SLC14A2: variants seen among roughly 807,000 people sequenced by gnomAD.
SLC14A2 encodes the protein solute carrier family 14 member 2.
A neutral mutation model predicts 104.6 loss-of-function variants in SLC14A2; 91 were observed. That is an observed-to-expected ratio of 0.87 (90% CI 0.73 to 1.04). The LOEUF is 1.04. Ranked by LOEUF, SLC14A2 falls within the 50% of genes least tolerant of loss-of-function variation. The pLI, the probability that SLC14A2 is intolerant of heterozygous loss-of-function variation, is 0.00. For missense variants in SLC14A2, 1,189 were observed against 1,156.0 expected, an observed-to-expected ratio of 1.03 and a Z score of -0.41; for synonymous variants, 476 against 466.4, an observed-to-expected ratio of 1.02 and a Z score of -0.27.
the SLC14A2 span, among the ~76,000 whole-genome samples, chr18:45,191,757 C>T: frequency 6.6e-6 from 1 of 151,978 alleles, no homozygotes; most frequent in Non-Finnish European, 1.5e-5. Context: ...AAGCAGACAC[C>T]CCTGGGTGTC....
At chr18:45,179,517 A>G in the SLC14A2 span, among the ~76,000 whole-genome samples, 473 of 152,348 alleles carry the variant, frequency 3.1e-3, 3 homozygotes, top group African/African-American at 0.011. Flanking sequence ...TATTCTGTGA[A>G]TAATGCTTTT....
intron 1 of SLC14A2, among the ~76,000 whole-genome samples, chr18:45,286,315 G>A (rs2084814222): frequency 6.6e-6 from 1 of 152,198 alleles, no homozygotes; most frequent in Non-Finnish European, 1.5e-5. Context: ...ATTCAGCAAT[G>A]TGTCAAATGT....
chr18:45,533,499 G>T (rs966056519), intron 2 of SLC14A2, among the ~76,000 whole-genome samples: 17 of 152,190 alleles, frequency 1.1e-4, no homozygotes, highest in Admixed American at 3.3e-4. Context: ...GGTGTTTATA[G>T]TATTCTCTGA....
intron 2 of SLC14A2, among the ~76,000 whole-genome samples, chr18:45,500,639 T>C (rs72912673): frequency 0.036 from 5,435 of 151,178 alleles, 137 homozygotes; most frequent in Middle Eastern, 0.073. Flanking sequence ...GTTAGTAATC[T>C]CTAGCAGGTT....
At chr18:45,624,526 C>A in intron 1 of SLC14A2, 105 bp from the exon 2 acceptor site, 1 of 696,280 alleles carries the variant, frequency 1.4e-6, no homozygotes, top group South Asian at 2.3e-5. Context: ...CCACGTGTGT[C>A]ACTGTCCAAC....
chr18:45,396,792 G>A (rs945086351), intron 1 of SLC14A2, among the ~76,000 whole-genome samples: 1 of 151,716 alleles, frequency 6.6e-6, no homozygotes. Flanking sequence ...GTACCCAATA[G>A]TTCCCTTTTC....
intron 1 of SLC14A2, among the ~76,000 whole-genome samples, chr18:45,388,161 C>T (rs865870996): frequency 3.4e-5 from 5 of 145,590 alleles, no homozygotes; most frequent in East Asian, 2.1e-4. Context: ...CTGCAAGCTC[C>T]GCCTCCTGGG....
At chr18:45,475,056 C>T (rs1234119719) in intron 1 of SLC14A2, among the ~76,000 whole-genome samples, 4 of 152,092 alleles carry the variant, frequency 2.6e-5, no homozygotes, top group African/African-American at 9.7e-5. Context: ...TAGCTGTGTC[C>T]CAGAGATCCT....
At chr18:45,338,034 C>T (rs1463004918) in intron 1 of SLC14A2, among the ~76,000 whole-genome samples, 1 of 152,128 alleles carries the variant, frequency 6.6e-6, no homozygotes, top group Non-Finnish European at 1.5e-5. Flanking sequence ...CTCTCCACAA[C>T]CCCCTTATAT....
intron 2 of SLC14A2, among the ~76,000 whole-genome samples, chr18:45,594,248 G>A (rs953690864): frequency 9.9e-5 from 15 of 152,194 alleles, no homozygotes; most frequent in Non-Finnish European, 1.9e-4. Flanking sequence ...CCACAAGCAC[G>A]CAGTACCAGG....
intron 1 of SLC14A2, among the ~76,000 whole-genome samples, chr18:45,347,016 C>T (rs1038045006): frequency 5.3e-5 from 8 of 150,812 alleles, no homozygotes; most frequent in African/African-American, 2.0e-4. Flanking sequence ...AATAAACAAA[C>T]AAACAAATCA....
intron 1 of SLC14A2, among the ~76,000 whole-genome samples, chr18:45,397,034 T>C (rs1211883074): frequency 6.6e-6 from 1 of 152,244 alleles, no homozygotes; most frequent in African/African-American, 2.4e-5. Flanking sequence ...CCTTGGTGTT[T>C]ATGTACCACA....
intron 1 of SLC14A2, among the ~76,000 whole-genome samples, chr18:45,262,996 T>G (rs2084555130): frequency 6.6e-6 from 1 of 152,230 alleles, no homozygotes. Context: ...ATATCAAAAC[T>G]GAGAGATTAA....
At chr18:45,626,763 C>T (rs1305547639) in intron 3 of SLC14A2, among the ~76,000 whole-genome samples, 195 bp from the exon 4 acceptor site, 1 of 152,226 alleles carries the variant, frequency 6.6e-6, no homozygotes, top group Non-Finnish European at 1.5e-5. Context: ...AGAATGATTG[C>T]TGGGCTACTG....
chr18:45,343,292 G>C (rs2085415406), intron 1 of SLC14A2, among the ~76,000 whole-genome samples: 1 of 152,092 alleles, frequency 6.6e-6, no homozygotes, highest in African/African-American at 2.4e-5. Context: ...CAGAGGAGAT[G>C]TGTTATTTTA....
intron 1 of SLC14A2, among the ~76,000 whole-genome samples, chr18:45,398,388 AG>A (rs1433155896): frequency 6.6e-6 from 1 of 152,208 alleles, no homozygotes; most frequent in Non-Finnish European, 1.5e-5. Context: ...GAGTCAGACA[AG>A]GTTATTATCA....
intron 2 of SLC14A2, among the ~76,000 whole-genome samples, chr18:45,599,675 C>T (rs1009235168): frequency 2.6e-5 from 4 of 152,216 alleles, no homozygotes; most frequent in Non-Finnish European, 5.9e-5. Flanking sequence ...GCAACAGGCA[C>T]TGTTCCGAGC....
chr18:45,587,051 G>A (rs186352635), intron 2 of SLC14A2, among the ~76,000 whole-genome samples: 10 of 152,084 alleles, frequency 6.6e-5, no homozygotes, highest in Admixed American at 3.9e-4. Flanking sequence ...GTAGTTGTGC[G>A]ATCGCAGCTC....
chr18:45,340,704 A>G (rs776888350), intron 1 of SLC14A2, among the ~76,000 whole-genome samples: 4 of 152,244 alleles, frequency 2.6e-5, no homozygotes, highest in Non-Finnish European at 2.9e-5. Context: ...TGGTAGAGTA[A>G]TGAACTATAA....
Sources: allele counts gnomAD v4.1 joint callset (sites outside exome capture counted in the v4.1 genomes callset), GRCh38; gene constraint gnomAD v4.1.1; transcripts MANE v1.5; gene names NCBI Gene and HGNC (gene_info 2026-07-23, HGNC 2026-07-21).